The following AADACL3 variants were observed in gnomAD, a reference collection of about 807,000 sequenced individuals.
The protein encoded by AADACL3 is arylacetamide deacetylase-like 3.
AADACL3 carries 13 observed loss-of-function variants against 13.6 expected under a neutral mutation model. The observed-to-expected ratio is 0.95, with a 90% CI of 0.62 to 1.52. The LOEUF (loss-of-function observed/expected upper bound fraction) is 1.52. Ranked by LOEUF, AADACL3 falls within the 40% of genes most tolerant of loss-of-function variation. The pLI, the probability that AADACL3 is intolerant of heterozygous loss-of-function variation, is 0.00. For missense variants in AADACL3, 519 were observed against 499.2 expected (o/e 1.04, Z -0.38); for synonymous variants, 195 against 197.0 (o/e 0.99, Z 0.08).
Position 12,725,412 on chromosome 1 carries a change from C to T in AADACL3, c.640C>T (p.Arg214Trp), listed in dbSNP as rs143650139. Residue 214 changes from arginine to tryptophan, a missense_variant, in exon 4 of 4, where the codon CGG becomes TGG. Transcript: ENST00000359318. The stretch of plus-strand genomic sequence containing the variant: ...ACTTGTGGACAGGCCAGATCTGCCC[C>T]GGATCCGGGCTCAGATCCTGATCTA... ...QQLVDRPDLP[R>W]IRAQILIYAI... The T allele has an allele frequency of 3.0e-5, 48 of 1,613,986 alleles. No individual in the cohort carries two copies. The highest frequency in any genetic ancestry group is 1.9e-4 in the African/African-American group (14 of 75,010).
rs1648422032 is a variant in AADACL3 at position 12,716,139 on chromosome 1, C to T, written c.-38C>T. 4 of 673,664 alleles carry T rather than the reference C, an allele frequency of 5.9e-6. No homozygotes were observed. Among genetic ancestry groups the T allele is most frequent in the South Asian group, 5.1e-5 (3 of 58,750 alleles). 41.7% of individuals were successfully genotyped at this position (673,664 alleles called of 1,614,324 possible). A position where few individuals can be genotyped will look rare whatever the true frequency, so the allele number is the denominator to read the frequency against. ...CATGTCCTAAATGGTTTACACTGCG[C>T]ACAGCTTCCTCTCAGCCCGCTCTGA... On this transcript the variant is annotated 5_prime_UTR_variant, in exon 1 of 4. Transcript: ENST00000359318.
intron 3 of AADACL3, among the ~76,000 whole-genome samples, chr1:12,722,552 T>C (rs1638283489): frequency 1.3e-5 from 2 of 152,066 alleles, no homozygotes; most frequent in South Asian, 4.2e-4. Context: ...AAATCCAAGG[T>C]AGACAGGATT....
chr1:12,717,162 A>G (rs901489417), intron 1 of AADACL3, among the ~76,000 whole-genome samples: 10 of 152,204 alleles, frequency 6.6e-5, no homozygotes, highest in Non-Finnish European at 1.3e-4. Context: ...GAGACACCCT[A>G]GGTGTGTCTT....
chr1:12,725,780 C>T lies in AADACL3; in HGVS notation c.1008C>T (p.Leu336=). The T allele has an allele frequency of 6.2e-7, 1 of 1,614,182 alleles. No individual in the cohort carries two copies. The highest frequency in any genetic ancestry group is 1.1e-5 in the South Asian group (1 of 91,086). The change falls in exon 4 of 4, where the codon CTC becomes CTT. Residue 336 remains leucine, a synonymous_variant. Transcript: ENST00000359318. ...LIAEDDIVSQ[L]PETCIVSCEY... is the part of the protein sequence containing the mutation. ...CAGAAGATGACATAGTGTCTCAGCT[C>T]CCGGAAACCTGCATCGTGAGCTGTG...
intron 3 of AADACL3, among the ~76,000 whole-genome samples, chr1:12,723,237 A>T (rs1338591100): frequency 3.9e-5 from 6 of 151,930 alleles, no homozygotes; most frequent in African/African-American, 1.2e-4. Context: ...AGCTATACAT[A>T]TATTTTTAAA....
In AADACL3 at chr1:12,725,773, C is replaced by G; in HGVS notation, c.1001C>G (p.Ser334Cys). 1 of 1,614,150 alleles carries G rather than the reference C, an allele frequency of 6.2e-7. No individual in the cohort carries two copies. Among genetic ancestry groups the G allele is most frequent in the Non-Finnish European group, 8.5e-7 (1 of 1,180,028 alleles). Reference sequence around the variant, plus strand: ...CTGATTGCAGAAGATGACATAGTGTCTCAGCTCCCGGAAACCTGCATCGTG... The same window carrying G: ...CTGATTGCAGAAGATGACATAGTGTGTCAGCTCCCGGAAACCTGCATCGTG... ...SPLIAEDDIVSQLPETCIVSC... is the reference protein window; with the variant it reads ...SPLIAEDDIVCQLPETCIVSC... The change falls in exon 4 of 4, where the codon TCT becomes TGT. Residue 334 changes from serine to cysteine, a missense_variant. Transcript: ENST00000359318.
rs1207423202 is a variant in AADACL3, at chr1:12,716,198, T to C, written c.22T>C (p.Phe8Leu). ...CAGCATGTGGGACCTGGCCCTGATCTTCCTCGCAGCAGCCTGCGTGTTCTC... is the reference window on the plus strand; with the variant it reads ...CAGCATGTGGGACCTGGCCCTGATCCTCCTCGCAGCAGCCTGCGTGTTCTC... Reference protein sequence around the residue: MWDLALIFLAAACVFSLG... With the variant: MWDLALILLAAACVFSLG... Residue 8 changes from phenylalanine (F) to leucine (L), a missense_variant, in exon 1 of 4, where the codon TTC (phenylalanine) becomes CTC (leucine). Phe to Leu is a conservative substitution (Grantham distance 22, BLOSUM62 0). Coordinates refer to ENST00000359318, the MANE Select transcript of AADACL3 (RefSeq NM_001103170.3). The C allele has an allele frequency of 2.8e-6, 3 of 1,054,864 alleles. No homozygotes were observed. The highest frequency in any genetic ancestry group is 1.7e-5 in the Admixed American group (1 of 57,228). 65.3% of individuals were successfully genotyped at this position (1,054,864 alleles called of 1,614,324 possible). A position where few individuals can be genotyped will look rare whatever the true frequency, so the allele number is the denominator to read the frequency against.
Position 12,726,119 on chromosome 1 carries a change from C to T in AADACL3, c.*123C>T. ...CTAGGGAGGGGGTAGAGGTTGCTGT[C>T]ACCTTTCTGGTCCAGGTTCTAGAAC... On this transcript the variant is annotated 3_prime_UTR_variant, in exon 4 of 4. Coordinates refer to ENST00000359318, the MANE Select transcript of AADACL3 (RefSeq NM_001103170.3). The T allele has an allele frequency of 9.0e-7, 1 of 1,111,916 alleles. No individual in the cohort carries two copies. Among genetic ancestry groups the T allele is most frequent in the Non-Finnish European group, 1.3e-6 (1 of 795,594 alleles). The allele number at this position is 1,111,916 out of a possible 1,614,324, so 68.9% of individuals were successfully genotyped here.
rs1043519560 is a variant in AADACL3 at position 12,728,445 on chromosome 1, A to C, written c.*2449A>C. ...CATTATGTCTTTAAAAAGCATGTAC[A>C]TACCTTAATTTAAAAATACCTTGTT... On this transcript the variant is annotated 3_prime_UTR_variant, in exon 4 of 4. Transcript: ENST00000359318. The C allele has an allele frequency of 1.3e-5, 2 of 152,216 alleles. No homozygotes were observed. Among genetic ancestry groups the C allele is most frequent in the Non-Finnish European group, 2.9e-5 (2 of 68,030 alleles). 9.4% of individuals were successfully genotyped at this position (152,216 alleles called of 1,614,324 possible).
In AADACL3 at chr1:12,725,310, T is replaced by C. The variant is rs1285047394; in HGVS notation, c.538T>C (p.Tyr180His). The change falls in exon 4 of 4, where the codon TAT becomes CAT. Residue 180 changes from tyrosine to histidine, a missense_variant. Tyr to His is a moderately conservative substitution (Grantham distance 83, BLOSUM62 2). Coordinates refer to ENST00000359318, the MANE Select transcript of AADACL3 (RefSeq NM_001103170.3). ...TIHFLKSLDAYGVDPARVVVC... is the reference protein window; with the variant it reads ...TIHFLKSLDAHGVDPARVVVC... ...CCACTTCCTGAAGTCCCTGGATGCATATGGAGTGGATCCAGCCCGGGTTGT... is the reference window on the plus strand; with the variant it reads ...CCACTTCCTGAAGTCCCTGGATGCACATGGAGTGGATCCAGCCCGGGTTGT... The C allele has an allele frequency of 6.2e-7, 1 of 1,614,062 alleles. No homozygotes were observed. Among genetic ancestry groups the C allele is most frequent in the Non-Finnish European group, 8.5e-7 (1 of 1,179,988 alleles).
rs898357422 is a variant in AADACL3 at position 12,726,288 on chromosome 1, A to G, written c.*292A>G. 18 of 419,166 alleles carry G rather than the reference A, an allele frequency of 4.3e-5. No individual in the cohort carries two copies. The highest frequency in any genetic ancestry group is 3.2e-4 in the African/African-American group (16 of 50,132). The allele number at this position is 419,166 out of a possible 1,614,324, so 26.0% of individuals were successfully genotyped here. On this transcript the variant is annotated 3_prime_UTR_variant, in exon 4 of 4. Coordinates refer to ENST00000359318, the MANE Select transcript of AADACL3 (RefSeq NM_001103170.3). Reference sequence around the variant, plus strand: ...ATTTGTGGGAGTGAATCAGCCGGTAAGAGCTGTTCTCAGCCTCCCTAAGGG... The same window carrying G: ...ATTTGTGGGAGTGAATCAGCCGGTAGGAGCTGTTCTCAGCCTCCCTAAGGG...
chr1:12,720,428 G>A (rs1648549877), intron 2 of AADACL3, among the ~76,000 whole-genome samples: 1 of 152,180 alleles, frequency 6.6e-6, no homozygotes, highest in South Asian at 2.1e-4. Context: ...CAGGCACTGT[G>A]AGAACCCTAT....
intron 1 of AADACL3, among the ~76,000 whole-genome samples, chr1:12,717,122 C>T (rs187620180): frequency 4.6e-5 from 7 of 152,278 alleles, no homozygotes; most frequent in African/African-American, 1.4e-4. Flanking sequence ...TCTTACATAA[C>T]GAAAAGCAAT....
intron 3 of AADACL3, among the ~76,000 whole-genome samples, chr1:12,722,220 A>G (rs1232859710): frequency 3.3e-5 from 5 of 150,778 alleles, no homozygotes; most frequent in African/African-American, 1.2e-4. Flanking sequence ...CCAGCTACTC[A>G]GGAGGCTGAG....
intron 1 of AADACL3, 59 bp from the exon 2 acceptor site, chr1:12,719,416 A>T (rs964086085): frequency 4.5e-5 from 69 of 1,522,438 alleles, no homozygotes; most frequent in Non-Finnish European, 5.7e-5. Context: ...TGAAGGCCAG[A>T]CTCCAGATGG....
rs778479875 is a variant in AADACL3, at chr1:12,726,005, C to T, written c.*9C>T. 1.2e-6 allele frequency: 2 copies of T among 1,600,874 alleles called. No homozygotes were observed. Among genetic ancestry groups the T allele is most frequent in the African/African-American group, 1.3e-5 (1 of 74,758 alleles). ...TTGTAAAGGGACTGTGACCATCTTT[C>T]TTCTCTGCTGGTACTGCGGTGTGGA... On this transcript the variant is annotated 3_prime_UTR_variant, in exon 4 of 4. Coordinates refer to ENST00000359318, the MANE Select transcript of AADACL3 (RefSeq NM_001103170.3).
At position 12,727,233 on chromosome 1, in the gene AADACL3, C is replaced by T. The variant is rs538464422; in HGVS notation, c.*1237C>T. On this transcript the variant is annotated 3_prime_UTR_variant, in exon 4 of 4. Coordinates refer to ENST00000359318, the MANE Select transcript of AADACL3 (RefSeq NM_001103170.3). The stretch of plus-strand genomic sequence containing the variant: ...AAGGGAATGGAATAATCTAACTCAC[C>T]ATTCCCAAGTCCTATGCCATCCTGA... The T allele has an allele frequency of 6.6e-6, 1 of 152,338 alleles. No homozygotes were observed. The highest frequency in any genetic ancestry group is 2.1e-4 in the South Asian group (1 of 4,818). The allele number at this position is 152,338 out of a possible 1,614,324, so 9.4% of individuals were successfully genotyped here. A position where few individuals can be genotyped will look rare whatever the true frequency, so the allele number is the denominator to read the frequency against.
chr1:12,725,147 G>C, intron 3 of AADACL3, 75 bp from the exon 4 acceptor site: 2 of 1,455,198 alleles, frequency 1.4e-6, no homozygotes, highest in Non-Finnish European at 1.9e-6. Flanking sequence ...GACTAATTTG[G>C]GCTAAAAGAT....
chr1:12,722,341 AAAAAAAAAT>A (rs1245652251), intron 3 of AADACL3, among the ~76,000 whole-genome samples: 10,566 of 92,696 alleles, frequency 0.11, 462 homozygotes, highest in African/African-American at 0.22. Context: ...AAAAAAAAAA[AAAAAAAAAT>A]GGAAAAGAAA....
Sources: gnomAD v4.1 joint callset for allele counts (sites outside exome capture counted in the v4.1 genomes callset) on GRCh38, gnomAD v4.1.1 for gene constraint, MANE v1.5 for transcripts, NCBI Gene and HGNC (gene_info 2026-07-23, HGNC 2026-07-21) for gene names.